SCAPER: variants seen among roughly 807,000 people sequenced by gnomAD.
The protein encoded by SCAPER is S phase cyclin A-associated protein in the endoplasmic reticulum.
SCAPER carries 98 observed loss-of-function variants against 182.2 expected under a neutral mutation model. The observed-to-expected ratio is 0.54, with a 90% CI of 0.46 to 0.64. SCAPER has a LOEUF of 0.64. Among genes scored for constraint, SCAPER ranks in the 30% least tolerant of loss-of-function variants. The pLI, the probability that SCAPER is intolerant of heterozygous loss-of-function variation, is 0.00. For missense variants in SCAPER, 1,432 were observed against 1,690.0 expected (o/e 0.85, Z 2.68); for synonymous variants, 605 against 564.6 (o/e 1.07, Z -1.01).
chr15:76,483,561 T>C (rs1430798564), intron 24 of SCAPER, among the ~76,000 whole-genome samples: 1 of 152,086 alleles, frequency 6.6e-6, no homozygotes, highest in East Asian at 1.9e-4. Flanking sequence ...AACGAAAAGA[T>C]AAGCCACAAA....
rs943083548 is a variant in SCAPER at position 76,748,281 on chromosome 15, C to A, written c.1866+5527G>T. ...CTGGGATTACAGGCGTGAGCCACCG[C>A]GCCTGGCCGAAATATGGATATTCTT... On this transcript the variant is annotated intron_variant, in intron 15 of 31. Coordinates refer to ENST00000563290, the MANE Select transcript of SCAPER (RefSeq NM_020843.4). 1.4e-4 allele frequency among the ~76,000 whole-genome samples: 22 copies of A among 152,044 alleles called. 1 individual carries two copies. The highest frequency in any genetic ancestry group is 1.5e-5 in the Non-Finnish European group (1 of 68,008).
chr15:76,568,857 A>C (rs2047233251), intron 23 of SCAPER, among the ~76,000 whole-genome samples: 1 of 152,052 alleles, frequency 6.6e-6, no homozygotes, highest in African/African-American at 2.4e-5. Context: ...TAAACATTAT[A>C]GATTTACTCC....
intron 22 of SCAPER, among the ~76,000 whole-genome samples, chr15:76,582,585 A>T (rs1005621123): frequency 6.6e-6 from 1 of 152,236 alleles, no homozygotes; most frequent in African/African-American, 2.4e-5. Context: ...ATTTCACGGA[A>T]ATTGAAAAAG....
intron 13 of SCAPER, 36 bp downstream of exon 13, chr15:76,765,301 T>C (rs748726482): frequency 1.3e-5 from 20 of 1,533,170 alleles, no homozygotes; most frequent in South Asian, 3.4e-5. Flanking sequence ...GTTTCCTTGC[T>C]GTGAACCATT....
chr15:76,542,273 A>G (rs1013527932), intron 23 of SCAPER, among the ~76,000 whole-genome samples: 1 of 152,158 alleles, frequency 6.6e-6, no homozygotes, highest in African/African-American at 2.4e-5. Flanking sequence ...CTGTAATCTC[A>G]GCACTTTGGG....
chr15:76,574,056 GA>G (rs2047644643), intron 23 of SCAPER, 101 bp downstream of exon 23: 1 of 1,103,536 alleles, frequency 9.1e-7, no homozygotes, highest in Admixed American at 3.9e-5. Flanking sequence ...AAAAAACACA[GA>G]AGAAAGGTAT....
Position 76,770,737 on chromosome 15 carries a change from T to C in SCAPER, c.1248+1005A>G, listed in dbSNP as rs551235541. 6.5e-4 allele frequency among the ~76,000 whole-genome samples: 99 copies of C among 152,248 alleles called. 1 individual carries two copies. The highest frequency in any genetic ancestry group is 6.8e-3 in the Middle Eastern group (2 of 292). ...AAACTGAAAAATATACAATTTGATA[T>C]ACAACTGCTAAAACAAAATAAATGA... On this transcript the variant is annotated intron_variant, in intron 10 of 31. Transcript: ENST00000563290.
intron 27 of SCAPER, among the ~76,000 whole-genome samples, chr15:76,393,418 C>A (rs773503703): frequency 8.5e-5 from 13 of 152,182 alleles, no homozygotes; most frequent in Non-Finnish European, 1.5e-4. Context: ...ACCAACAAAC[C>A]CTTTGTCCAA....
intron 1 of SCAPER, chr15:76,904,936 C>T: frequency 6.6e-6 from 1 of 152,596 alleles, no homozygotes; most frequent in Non-Finnish European, 1.5e-5. Flanking sequence ...GCGGCCGGGG[C>T]TGCCCCCAAG....
chr15:76,899,540 G>A (rs1411410705), intron 1 of SCAPER, among the ~76,000 whole-genome samples: 2 of 152,278 alleles, frequency 1.3e-5, no homozygotes, highest in South Asian at 2.1e-4. Flanking sequence ...CACCTGCCTT[G>A]GCCTCCCAAA....
intron 25 of SCAPER, among the ~76,000 whole-genome samples, chr15:76,464,758 C>A (rs187007109): frequency 2.0e-5 from 3 of 152,088 alleles, no homozygotes; most frequent in Admixed American, 6.6e-5. Flanking sequence ...ATTTTGAATA[C>A]GTACCCAGAA....
At chr15:76,781,961 T>G (rs1356468112) in intron 8 of SCAPER, among the ~76,000 whole-genome samples, 1 of 152,192 alleles carries the variant, frequency 6.6e-6, no homozygotes, top group Non-Finnish European at 1.5e-5. Context: ...CCATGGATAC[T>G]AGGAAGAAAC....
At chr15:76,622,429 C>G (rs2052172717) in intron 21 of SCAPER, among the ~76,000 whole-genome samples, 2 of 151,526 alleles carry the variant, frequency 1.3e-5, no homozygotes, top group South Asian at 4.2e-4. Flanking sequence ...AAAAAAAATA[C>G]TCCTACCTAA....
At chr15:76,667,130 C>T (rs1186315412) in intron 20 of SCAPER, among the ~76,000 whole-genome samples, 1 of 152,158 alleles carries the variant, frequency 6.6e-6, no homozygotes, top group Non-Finnish European at 1.5e-5. Context: ...TCATTTTAGT[C>T]CAGCTTTTGC....
chr15:76,767,865 G>GA (rs1172145545), intron 10 of SCAPER, among the ~76,000 whole-genome samples: 1 of 151,710 alleles, frequency 6.6e-6, no homozygotes, highest in Non-Finnish European at 1.5e-5. Flanking sequence ...TTCCTAGAAG[G>GA]AAAAAAACAG....
intron 26 of SCAPER, among the ~76,000 whole-genome samples, chr15:76,411,342 A>C (rs1481021668): frequency 1.3e-5 from 2 of 152,248 alleles, no homozygotes; most frequent in East Asian, 3.9e-4. Context: ...TGCTCAAGAG[A>C]AATGCCCACT....
intron 21 of SCAPER, among the ~76,000 whole-genome samples, chr15:76,628,181 G>A (rs2052763374): frequency 6.6e-6 from 1 of 151,972 alleles, no homozygotes; most frequent in East Asian, 1.9e-4. Context: ...TGGATATTAG[G>A]CCTTAATTAG....
At chr15:76,837,948 G>T (rs2069100287) in intron 5 of SCAPER, among the ~76,000 whole-genome samples, 1 of 152,300 alleles carries the variant, frequency 6.6e-6, no homozygotes, top group Middle Eastern at 3.4e-3. Context: ...ATACACTGCT[G>T]GTGGGAATGT....
At chr15:76,784,821 C>T (rs1044594125) in intron 8 of SCAPER, among the ~76,000 whole-genome samples, 1 of 152,112 alleles carries the variant, frequency 6.6e-6, no homozygotes, top group Non-Finnish European at 1.5e-5. Context: ...AAAACTGGCT[C>T]GCCATGTGTA....
Sources: allele counts gnomAD v4.1 joint callset (sites outside exome capture counted in the v4.1 genomes callset), GRCh38; gene constraint gnomAD v4.1.1; transcripts MANE v1.5; gene names NCBI Gene and HGNC (gene_info 2026-07-23, HGNC 2026-07-21).